The following CCL28 variants were observed in gnomAD, a reference collection of about 807,000 sequenced individuals.
The protein encoded by CCL28 is C-C motif chemokine 28.
Under a neutral mutation model 7.1 loss-of-function variants are expected in CCL28, and 4 were observed. That is an observed-to-expected ratio of 0.56 (90% CI 0.28 to 1.29). The LOEUF is 1.29. Ranked by LOEUF, CCL28 falls within the 50% of genes most tolerant of loss-of-function variation. The pLI is 0.11. For synonymous variants in CCL28, 55 were observed against 57.8 expected, an observed-to-expected ratio of 0.95 and a Z score of 0.22; for missense variants, 151 against 163.4, an observed-to-expected ratio of 0.92 and a Z score of 0.41.
chr5:43,393,030 C>A (rs1429820802), intron 1 of CCL28, among the ~76,000 whole-genome samples: 4 of 151,560 alleles, frequency 2.6e-5, no homozygotes, highest in Non-Finnish European at 4.4e-5. Context: ...GCTTTTTTAC[C>A]CCTGTAATTT....
intron 1 of CCL28, among the ~76,000 whole-genome samples, chr5:43,409,852 A>G (rs1741461979): frequency 6.6e-6 from 1 of 152,136 alleles, no homozygotes; most frequent in Non-Finnish European, 1.5e-5. Context: ...ACAGGATGAT[A>G]GACATGTTTA....
intron 1 of CCL28, among the ~76,000 whole-genome samples, chr5:43,411,146 GT>G (rs1270146244): frequency 6.6e-6 from 1 of 152,162 alleles, no homozygotes; most frequent in African/African-American, 2.4e-5. Context: ...ATTTGTATGT[GT>G]GTATGTATGA....
chr5:43,364,119 G>T, the CCL28 span, among the ~76,000 whole-genome samples: 1 of 152,174 alleles, frequency 6.6e-6, no homozygotes, highest in Non-Finnish European at 1.5e-5. Context: ...TTTAAAAAGT[G>T]AAAGCAAGTT....
the CCL28 span, among the ~76,000 whole-genome samples, chr5:43,369,097 A>G: frequency 6.6e-6 from 1 of 151,638 alleles, no homozygotes; most frequent in South Asian, 2.1e-4. Flanking sequence ...CCAGTAAGAC[A>G]AAGTCACAAT....
At chr5:43,403,935 G>C (rs372907944) in intron 1 of CCL28, among the ~76,000 whole-genome samples, 20 of 152,148 alleles carry the variant, frequency 1.3e-4, no homozygotes, top group East Asian at 1.2e-3. Flanking sequence ...TGAATGAAAT[G>C]AAGTGAGAAG....
At chr5:43,375,601 G>C (rs1739875042), downstream of CCL28, among the ~76,000 whole-genome samples, 1 of 151,356 alleles carries the variant, frequency 6.6e-6, no homozygotes, top group Non-Finnish European at 1.5e-5. Context: ...CGTGAATGCT[G>C]TTACTTAAAA....
chr5:43,404,097 C>A (rs1438059292), intron 1 of CCL28, among the ~76,000 whole-genome samples: 1 of 152,194 alleles, frequency 6.6e-6, no homozygotes, highest in Non-Finnish European at 1.5e-5. Context: ...AGGATATCAT[C>A]CAGGAGAACT....
At chr5:43,359,066 G>A in the CCL28 span, among the ~76,000 whole-genome samples, 1 of 152,168 alleles carries the variant, frequency 6.6e-6, no homozygotes, top group Non-Finnish European at 1.5e-5. Flanking sequence ...CTAATGAAAG[G>A]CCACAAGATT....
At chr5:43,371,913 A>G (rs778552342), downstream of CCL28, among the ~76,000 whole-genome samples, 4 of 152,250 alleles carry the variant, frequency 2.6e-5, no homozygotes, top group Non-Finnish European at 4.4e-5. Flanking sequence ...GTACAAGAGC[A>G]CAAGCATCTG....
At chr5:43,360,896 C>T in the CCL28 span, among the ~76,000 whole-genome samples, 9 of 152,104 alleles carry the variant, frequency 5.9e-5, no homozygotes, top group South Asian at 1.9e-3. Flanking sequence ...AAACACATGC[C>T]ATGGTGGTTT....
the CCL28 span, among the ~76,000 whole-genome samples, chr5:43,368,566 G>C: frequency 2.6e-5 from 4 of 152,116 alleles, no homozygotes; most frequent in African/African-American, 9.7e-5. Context: ...GTTATGGGTT[G>C]AATTGTTAAA....
At chr5:43,386,213 G>A (rs879259043) in intron 2 of CCL28, among the ~76,000 whole-genome samples, 14 of 152,192 alleles carry the variant, frequency 9.2e-5, no homozygotes, top group Admixed American at 9.2e-4. Flanking sequence ...TAACTACCTA[G>A]AGCATTGTCT....
intron 1 of CCL28, among the ~76,000 whole-genome samples, chr5:43,410,444 A>G (rs1741489110): frequency 6.6e-6 from 1 of 152,196 alleles, no homozygotes; most frequent in African/African-American, 2.4e-5. Context: ...TGCCTTAGGT[A>G]AAGCATCGAG....
intron 1 of CCL28, among the ~76,000 whole-genome samples, chr5:43,391,177 A>C (rs1740556035): frequency 6.6e-6 from 1 of 152,220 alleles, no homozygotes; most frequent in Admixed American, 6.5e-5. Context: ...ACTTGGGTCC[A>C]TCTTTATCAA....
chr5:43,410,163 A>G (rs1937042278), intron 1 of CCL28, among the ~76,000 whole-genome samples: 1 of 152,136 alleles, frequency 6.6e-6, no homozygotes, highest in African/African-American at 2.4e-5. Context: ...TCTTCTCTGC[A>G]CTGTTGAGTT....
At chr5:43,377,118 A>T (rs896505092), downstream of CCL28, 9 of 152,210 alleles carry the variant, frequency 5.9e-5, no homozygotes, top group African/African-American at 2.2e-4. Context: ...TCTCTGATTA[A>T]TTTTATAAAG....
At chr5:43,382,127 G>T in intron 2 of CCL28, 75 bp from the exon 3 acceptor site, 2 of 1,344,868 alleles carry the variant, frequency 1.5e-6, no homozygotes, top group Non-Finnish European at 2.0e-6. Context: ...CTTACATGCA[G>T]CTCCCACTTT....
intron 1 of CCL28, among the ~76,000 whole-genome samples, chr5:43,408,597 C>A (rs1262895881): frequency 6.6e-6 from 1 of 151,976 alleles, no homozygotes; most frequent in Admixed American, 6.6e-5. Flanking sequence ...ATGTAACAAA[C>A]CTGCACATTG....
the CCL28 span, among the ~76,000 whole-genome samples, chr5:43,359,770 A>G: frequency 4.2e-4 from 64 of 152,274 alleles, no homozygotes; most frequent in Middle Eastern, 3.4e-3. Context: ...TGTAAGACCT[A>G]AGACTGGTCT....
Sources: allele counts gnomAD v4.1 joint callset (sites outside exome capture counted in the v4.1 genomes callset), GRCh38; gene constraint gnomAD v4.1.1; transcripts MANE v1.5; gene names NCBI Gene and HGNC (gene_info 2026-07-23, HGNC 2026-07-21).